The following PLEKHA5 variants were observed in gnomAD, a reference collection of about 807,000 sequenced individuals.
PLEKHA5 encodes pleckstrin homology domain-containing family A member 5.
PLEKHA5 carries 55 observed loss-of-function variants against 181.9 expected under a neutral mutation model. That is an observed-to-expected ratio of 0.30 (90% CI 0.24 to 0.38). The LOEUF (loss-of-function observed/expected upper bound fraction) is 0.38, where lower values mean the gene tolerates loss of function less well. Ranked by LOEUF, PLEKHA5 falls within the 10% of genes least tolerant of loss-of-function variation. The probability of loss-of-function intolerance (pLI) is 1.00; values close to 1 mark genes in which losing one functional copy is unlikely to be tolerated. For missense variants in PLEKHA5, 1,432 were observed against 1,549.5 expected, an observed-to-expected ratio of 0.92 and a Z score of 1.27; for synonymous variants, 535 against 529.4, an observed-to-expected ratio of 1.01 and a Z score of -0.15.
At chr12:19,221,908 A>G (rs977170588) in intron 3 of PLEKHA5, among the ~76,000 whole-genome samples, 5 of 152,138 alleles carry the variant, frequency 3.3e-5, no homozygotes, top group African/African-American at 1.2e-4. Flanking sequence ...CTACAACAGA[A>G]AAAGCACTGG....
rs112240331 is a variant in PLEKHA5, at chr12:19,322,784, A to T, written c.2448+117A>T. 1.1e-5 allele frequency: 7 copies of T among 648,990 alleles called. 1 individual carries two copies. Among genetic ancestry groups the T allele is most frequent in the African/African-American group, 7.3e-5 (4 of 54,898 alleles). 40.2% of individuals were successfully genotyped at this position (648,990 alleles called of 1,614,324 possible). A position where few individuals can be genotyped will look rare whatever the true frequency, so the allele number is the denominator to read the frequency against. On this transcript the variant is annotated intron_variant, in intron 20 of 31. Coordinates refer to ENST00000429027, the MANE Select transcript of PLEKHA5 (RefSeq NM_001256470.2). ...ATTCTTCTATATTATTATAGCAGAA[A>T]ATATTAATTTGTTATTAGTGTGCTT...
intron 3 of PLEKHA5, among the ~76,000 whole-genome samples, chr12:19,184,182 T>C (rs980862197): frequency 1.1e-4 from 16 of 152,212 alleles, no homozygotes; most frequent in Non-Finnish European, 2.2e-4. Context: ...ATGAAAAAGA[T>C]AAGAAGAAAG....
chr12:19,326,490 T>C (rs2092111297), intron 20 of PLEKHA5, among the ~76,000 whole-genome samples: 1 of 152,164 alleles, frequency 6.6e-6, no homozygotes, highest in Admixed American at 6.5e-5. Flanking sequence ...GAAAACATCT[T>C]CTCCTCACCT....
chr12:19,177,932 G>A (rs926263491), intron 3 of PLEKHA5, among the ~76,000 whole-genome samples: 9 of 152,140 alleles, frequency 5.9e-5, no homozygotes, highest in Non-Finnish European at 8.8e-5. Context: ...GTGACTAATT[G>A]GATAGCTCTG....
At chr12:19,373,564 G>T (rs903857127) in intron 31 of PLEKHA5, 1 of 152,154 alleles carries the variant, frequency 6.6e-6, no homozygotes, top group Non-Finnish European at 1.5e-5. Context: ...AGCTACTTGG[G>T]AGGCTGAGGC....
intron 3 of PLEKHA5, among the ~76,000 whole-genome samples, chr12:19,251,406 CAAAA>C (rs35113109): frequency 4.0e-5 from 5 of 124,740 alleles, no homozygotes; most frequent in Non-Finnish European, 3.4e-5. Flanking sequence ...AACTCTGTCT[CAAAA>C]AAAAAAAAAA....
At chr12:19,228,332 C>G (rs371584527) in intron 3 of PLEKHA5, among the ~76,000 whole-genome samples, 2 of 152,302 alleles carry the variant, frequency 1.3e-5, no homozygotes, top group South Asian at 2.1e-4. Context: ...CTAACCATTT[C>G]ATTTTTACCC....
chr12:19,300,761 G>T (rs750112194), intron 15 of PLEKHA5, among the ~76,000 whole-genome samples: 1 of 152,126 alleles, frequency 6.6e-6, no homozygotes, highest in Non-Finnish European at 1.5e-5. Flanking sequence ...CAGCTACTCA[G>T]TGCCATTTGT....
intron 3 of PLEKHA5, among the ~76,000 whole-genome samples, chr12:19,188,966 A>G (rs887479823): frequency 6.6e-6 from 1 of 152,214 alleles, no homozygotes; most frequent in African/African-American, 2.4e-5. Context: ...TAAAACAGGC[A>G]CTGTCCCTGA....
chr12:19,285,624 T>G (rs2077058670), intron 12 of PLEKHA5, among the ~76,000 whole-genome samples: 1 of 152,206 alleles, frequency 6.6e-6, no homozygotes, highest in South Asian at 2.1e-4. Flanking sequence ...TGAGTAAAAT[T>G]TCTGGCACCT....
At chr12:19,230,905 C>T (rs986534081) in intron 3 of PLEKHA5, among the ~76,000 whole-genome samples, 4 of 152,214 alleles carry the variant, frequency 2.6e-5, no homozygotes, top group African/African-American at 9.6e-5. Flanking sequence ...ACACTGTCAC[C>T]TCTCAATATC....
chr12:19,235,033 T>C (rs1397145584), intron 3 of PLEKHA5, among the ~76,000 whole-genome samples: 2 of 152,174 alleles, frequency 1.3e-5, no homozygotes, highest in Admixed American at 6.5e-5. Context: ...TGTTTTCTTT[T>C]ATTGTATGAG....
At chr12:19,269,749 G>T in intron 8 of PLEKHA5, 21 bp from the exon 9 acceptor site, 2 of 1,210,070 alleles carry the variant, frequency 1.7e-6, no homozygotes, top group South Asian at 2.6e-5. Flanking sequence ...TATTTAAAAT[G>T]ATCGTGTCAT....
rs1237490875 is a variant in PLEKHA5 at position 19,267,234 on chromosome 12, AG to A, written c.711+1390del. On this transcript the variant is annotated intron_variant, in intron 8 of 31. Transcript: ENST00000429027. Reference sequence around the variant, plus strand: ...CAGAAATTTCATTTTAAGAGAAAAGAGGGGGGAAGTGCTGCTGGTTAACAAT... The same window carrying A: ...CAGAAATTTCATTTTAAGAGAAAAGAGGGGGAAGTGCTGCTGGTTAACAAT... 5.9e-5 allele frequency among the ~76,000 whole-genome samples: 9 copies of A among 152,310 alleles called. No homozygotes were observed. The East Asian group carries it at 1.7e-3, about 29-fold the overall frequency.
chr12:19,334,829 A>AAAAAAAATATATATATATAT, intron 20 of PLEKHA5, among the ~76,000 whole-genome samples: 1 of 18,606 alleles, frequency 5.4e-5, no homozygotes, highest in Non-Finnish European at 1.4e-4. Context: ...AAAAAAAAAA[A>AAAAAAAATATATATATATAT]ATATATATAT....
At chr12:19,222,545 T>A (rs2059118808) in intron 3 of PLEKHA5, among the ~76,000 whole-genome samples, 1 of 152,118 alleles carries the variant, frequency 6.6e-6, no homozygotes. Context: ...CCTCTTCCTA[T>A]GAAGATTTTG....
At chr12:19,201,342 G>T (rs374482642) in intron 3 of PLEKHA5, 2 of 152,188 alleles carry the variant, frequency 1.3e-5, no homozygotes, top group South Asian at 2.1e-4. Context: ...TCAGTATCAA[G>T]TATTGCGGAG....
At chr12:19,161,244 G>A (rs1591859820) in intron 3 of PLEKHA5, among the ~76,000 whole-genome samples, 1 of 152,034 alleles carries the variant, frequency 6.6e-6, no homozygotes, top group East Asian at 1.9e-4. Flanking sequence ...TAAAGGAAGA[G>A]AAAATGAAAT....
At chr12:19,353,686 T>C (rs1019350498) in intron 25 of PLEKHA5, among the ~76,000 whole-genome samples, 198 bp from the exon 26 acceptor site, 22 of 152,056 alleles carry the variant, frequency 1.4e-4, no homozygotes, top group Admixed American at 1.1e-3. Flanking sequence ...CTCAAACTCC[T>C]GACCTCAGGT....
Sources: allele counts gnomAD v4.1 joint callset (sites outside exome capture counted in the v4.1 genomes callset), GRCh38; gene constraint gnomAD v4.1.1; transcripts MANE v1.5; gene names NCBI Gene and HGNC (gene_info 2026-07-23, HGNC 2026-07-21).